DAP3: variants seen among roughly 807,000 people sequenced by gnomAD.
The protein encoded by DAP3 is death associated protein 3.
DAP3 carries 28 observed loss-of-function variants against 51.9 expected under a neutral mutation model. The observed-to-expected ratio is 0.54, with a 90% CI of 0.40 to 0.74. DAP3 has a LOEUF of 0.74. DAP3 is among the 30% of genes least tolerant of loss of function. The pLI is 0.00. For missense variants in DAP3, 458 were observed against 483.5 expected (o/e 0.95, Z 0.49); for synonymous variants, 170 against 170.3 (o/e 1.00, Z 0.01).
At chr1:155,711,798 GT>G (rs1486632737) in intron 2 of DAP3, among the ~76,000 whole-genome samples, 1 of 151,220 alleles carries the variant, frequency 6.6e-6, no homozygotes, top group Admixed American at 6.6e-5. Context: ...GAAGCTGACA[GT>G]GCAGTCTTCA....
intron 1 of DAP3, among the ~76,000 whole-genome samples, chr1:155,692,971 G>A (rs1654042543): frequency 1.4e-5 from 2 of 141,720 alleles, no homozygotes; most frequent in South Asian, 4.2e-4. Flanking sequence ...AATTCCAGCA[G>A]CCACAACAGT....
chr1:155,713,624 G>A (rs1330950350), intron 2 of DAP3, among the ~76,000 whole-genome samples: 3 of 152,166 alleles, frequency 2.0e-5, no homozygotes, highest in Admixed American at 6.6e-5. Context: ...TTTCTTCCGA[G>A]CGTGTAGCCT....
chr1:155,710,523 C>G (rs1656566652), intron 2 of DAP3: 1 of 152,196 alleles, frequency 6.6e-6, no homozygotes, highest in Non-Finnish European at 1.5e-5. Flanking sequence ...AGCCACTGTG[C>G]CCGGCCTTCA....
intron 1 of DAP3, among the ~76,000 whole-genome samples, chr1:155,703,237 G>GT (rs1655531781): frequency 6.6e-6 from 1 of 152,170 alleles, no homozygotes; most frequent in Admixed American, 6.5e-5. Flanking sequence ...AGAAAAAGAG[G>GT]TTTAATGGAC....
upstream of DAP3, chr1:155,688,719 G>T: frequency 9.5e-7 from 1 of 1,053,238 alleles, no homozygotes; most frequent in Non-Finnish European, 1.3e-6. Flanking sequence ...CTCCCTCCCC[G>T]CCCGCACGGC....
chr1:155,698,804 G>A (rs967089169), intron 1 of DAP3, among the ~76,000 whole-genome samples: 3 of 152,146 alleles, frequency 2.0e-5, no homozygotes, highest in Non-Finnish European at 2.9e-5. Context: ...AATACATGGC[G>A]TACTTACTTT....
At chr1:155,735,900 G>A (rs1659733544) in intron 11 of DAP3, among the ~76,000 whole-genome samples, 1 of 144,826 alleles carries the variant, frequency 6.9e-6, no homozygotes, top group African/African-American at 2.6e-5. Context: ...GGAGTGCAGT[G>A]GCTTAATCTC....
intron 1 of DAP3, among the ~76,000 whole-genome samples, chr1:155,690,289 C>T (rs1197796213): frequency 7.1e-6 from 1 of 141,576 alleles, no homozygotes; most frequent in Non-Finnish European, 1.5e-5. Context: ...CAGTGGCTCA[C>T]ACCTGTAATC....
At chr1:155,705,832 C>G (rs183038342) in intron 1 of DAP3, among the ~76,000 whole-genome samples, 16 of 152,130 alleles carry the variant, frequency 1.1e-4, no homozygotes, top group Admixed American at 5.2e-4. Context: ...TCCTGAGTAG[C>G]TGGGAAAACA....
chr1:155,688,287 G>A (rs762279159), upstream of DAP3: 2 of 1,582,502 alleles, frequency 1.3e-6, no homozygotes, highest in South Asian at 1.1e-5. Flanking sequence ...ACCGACACTG[G>A]GATCGTTTCC....
intron 1 of DAP3, 104 bp downstream of exon 1, chr1:155,689,278 G>C: frequency 3.1e-6 from 2 of 639,274 alleles, no homozygotes; most frequent in African/African-American, 1.8e-5. Flanking sequence ...GCGCGCCTCC[G>C]GGGGGGATTC....
chr1:155,730,654 GA>G (rs1358696801), intron 9 of DAP3, among the ~76,000 whole-genome samples: 1 of 152,100 alleles, frequency 6.6e-6, no homozygotes, highest in African/African-American at 2.4e-5. Context: ...CAGTAAAATG[GA>G]ATCAGAGGAG....
chr1:155,708,829 C>G (rs186059965), intron 1 of DAP3, among the ~76,000 whole-genome samples: 77 of 151,716 alleles, frequency 5.1e-4, no homozygotes, highest in African/African-American at 1.5e-3. Flanking sequence ...CTCAGCCTCC[C>G]AAGTAGCTGG....
chr1:155,714,231 G>A (rs1388573485), intron 2 of DAP3, among the ~76,000 whole-genome samples: 2 of 152,118 alleles, frequency 1.3e-5, no homozygotes, highest in Admixed American at 6.6e-5. Context: ...AACCTTCTAA[G>A]CTTTTTAAAA....
At chr1:155,688,068 C>G (rs1236487376), upstream of DAP3, 1 of 1,576,264 alleles carries the variant, frequency 6.3e-7, no homozygotes, top group Non-Finnish European at 8.6e-7. Context: ...TCGTTCTACT[C>G]ACCGTGTCGG....
upstream of DAP3, chr1:155,688,246 A>AG (rs753835792): frequency 1.2e-5 from 20 of 1,609,792 alleles, no homozygotes; most frequent in Middle Eastern, 1.6e-4. Flanking sequence ...GGAGGGCTAA[A>AG]GGGGCAAACT....
intron 1 of DAP3, among the ~76,000 whole-genome samples, chr1:155,696,287 T>G (rs1654500583): frequency 6.6e-6 from 1 of 152,168 alleles, no homozygotes; most frequent in African/African-American, 2.4e-5. Flanking sequence ...TTGCTGAATT[T>G]TTTTTTTTCA....
At chr1:155,702,820 A>T (rs938239974) in intron 1 of DAP3, among the ~76,000 whole-genome samples, 1 of 152,036 alleles carries the variant, frequency 6.6e-6, no homozygotes, top group East Asian at 1.9e-4. Flanking sequence ...AATACAAAAA[A>T]TTAGCCAGGC....
rs182991950 is a variant in DAP3 at position 155,725,245 on chromosome 1, C to T, written c.271-137C>T. 175 of 674,654 alleles carry T rather than the reference C, an allele frequency of 2.6e-4. 1 individual carries two copies. The highest frequency in any genetic ancestry group is 1.6e-3 in the Middle Eastern group (5 of 3,036). The allele number at this position is 674,654 out of a possible 1,614,324, so 41.8% of individuals were successfully genotyped here. A position where few individuals can be genotyped will look rare whatever the true frequency, so the allele number is the denominator to read the frequency against. On this transcript the variant is annotated intron_variant, in intron 4 of 12. Transcript: ENST00000368336. ...ATAGATTTTCAAACTCAGTACCAAC[C>T]CAGCTTCTCCTAACTGAGTAAATTA...
Sources: gnomAD v4.1 joint callset for allele counts (sites outside exome capture counted in the v4.1 genomes callset) on GRCh38, gnomAD v4.1.1 for gene constraint, MANE v1.5 for transcripts, NCBI Gene and HGNC (gene_info 2026-07-23, HGNC 2026-07-21) for gene names.